Variants in CNIH3 observed in about 807,000 individuals in gnomAD.
The protein encoded by CNIH3 is protein cornichon homolog 3.
CNIH3 carries 14 observed loss-of-function variants against 24.1 expected under a neutral mutation model. The ratio of observed to expected loss-of-function variants is 0.58; its 90% CI spans 0.38 to 0.91. CNIH3 has a LOEUF of 0.91. CNIH3 is among the 40% of genes least tolerant of loss of function. The pLI is 0.00. For synonymous variants in CNIH3, 68 were observed against 73.8 expected (o/e 0.92, Z 0.40); for missense variants, 178 against 196.8 (o/e 0.90, Z 0.57).
At chr1:224,571,582 G>C (rs1462320520) in intron 4 of CNIH3, among the ~76,000 whole-genome samples, 2 of 151,940 alleles carry the variant, frequency 1.3e-5, no homozygotes, top group Non-Finnish European at 2.9e-5. Context: ...AAAATTAACC[G>C]GGCATGGTGC....
downstream of CNIH3, among the ~76,000 whole-genome samples, chr1:224,538,068 A>G (rs1679361679): frequency 6.6e-6 from 1 of 151,744 alleles, no homozygotes; most frequent in Non-Finnish European, 1.5e-5. Flanking sequence ...CTCCTGCCTC[A>G]GCCTCCCGAG....
intron 1 of CNIH3, among the ~76,000 whole-genome samples, chr1:224,617,854 CATT>C (rs1309761963): frequency 6.6e-6 from 1 of 152,144 alleles, no homozygotes; most frequent in East Asian, 1.9e-4. Context: ...GGGCAGGCAT[CATT>C]AAGGCCATGG....
At chr1:224,495,044 G>GCA (rs1486882170) in intron 1 of CNIH3, among the ~76,000 whole-genome samples, 3 of 151,896 alleles carry the variant, frequency 2.0e-5, no homozygotes, top group African/African-American at 4.8e-5. Context: ...ATGCACACAT[G>GCA]CACACACACA....
At chr1:224,679,928 C>A (rs185711233) in intron 1 of CNIH3, among the ~76,000 whole-genome samples, 66 of 152,228 alleles carry the variant, frequency 4.3e-4, no homozygotes, top group Non-Finnish European at 7.6e-4. Flanking sequence ...CCTGCCTCAG[C>A]CTCCTAGATA....
At chr1:224,589,958 C>T (rs113185913), downstream of CNIH3, among the ~76,000 whole-genome samples, 111 of 152,176 alleles carry the variant, frequency 7.3e-4, no homozygotes, top group African/African-American at 2.6e-3. Context: ...CTCACTGCAA[C>T]CTCTGCCTCT....
At chr1:224,632,001 C>T (rs1369835558) in intron 1 of CNIH3, among the ~76,000 whole-genome samples, 1 of 152,114 alleles carries the variant, frequency 6.6e-6, no homozygotes, top group Non-Finnish European at 1.5e-5. Context: ...GAATTAGTAA[C>T]TGCATTCCAG....
chr1:224,663,557 C>T (rs1685461014), intron 1 of CNIH3, among the ~76,000 whole-genome samples: 1 of 152,078 alleles, frequency 6.6e-6, no homozygotes, highest in Non-Finnish European at 1.5e-5. Flanking sequence ...CATACTTGTC[C>T]AGACACAGAT....
At chr1:224,567,843 G>C (rs1196042343) in intron 4 of CNIH3, among the ~76,000 whole-genome samples, 1 of 152,174 alleles carries the variant, frequency 6.6e-6, no homozygotes, top group Non-Finnish European at 1.5e-5. Context: ...TGACCCCACT[G>C]GGATGTTATA....
At chr1:224,599,214 C>T (rs1039804986) in intron 3 of CNIH3, among the ~76,000 whole-genome samples, 30 of 152,300 alleles carry the variant, frequency 2.0e-4, no homozygotes, top group African/African-American at 7.2e-4. Flanking sequence ...GCACTTGTCT[C>T]TGCTCCAGGT....
intron 1 of CNIH3, among the ~76,000 whole-genome samples, chr1:224,625,154 T>C (rs947493228): frequency 6.6e-6 from 1 of 152,212 alleles, no homozygotes; most frequent in African/African-American, 2.4e-5. Context: ...AATAAGGATC[T>C]GGATAATTTA....
intron 1 of CNIH3, among the ~76,000 whole-genome samples, chr1:224,640,593 T>C (rs1368377598): frequency 6.6e-6 from 1 of 152,222 alleles, no homozygotes; most frequent in Non-Finnish European, 1.5e-5. Context: ...CATCACCGCT[T>C]TCTCTTCTAG....
intron 4 of CNIH3, among the ~76,000 whole-genome samples, chr1:224,567,858 C>T (rs966496390): frequency 3.9e-5 from 6 of 152,150 alleles, no homozygotes; most frequent in Admixed American, 6.5e-5. Flanking sequence ...GTTATAAGAT[C>T]GAGAACCCGG....
At chr1:224,519,511 G>A (rs981977882) in intron 1 of CNIH3, among the ~76,000 whole-genome samples, 3 of 151,932 alleles carry the variant, frequency 2.0e-5, no homozygotes, top group African/African-American at 7.3e-5. Context: ...CTGTATGCGT[G>A]TATGTGTATG....
intron 3 of CNIH3, among the ~76,000 whole-genome samples, chr1:224,709,810 A>C (rs929097202): frequency 4.6e-5 from 7 of 152,068 alleles, no homozygotes; most frequent in Admixed American, 2.6e-4. Context: ...CCTGCCATCT[A>C]CTCATTACAG....
intron 1 of CNIH3, among the ~76,000 whole-genome samples, chr1:224,679,698 A>G (rs1390087956): frequency 6.6e-6 from 1 of 152,222 alleles, no homozygotes; most frequent in Non-Finnish European, 1.5e-5. Context: ...TGAAATCAGG[A>G]TGACATATGA....
At chr1:224,449,553 T>TG (rs1346573940) in intron 1 of CNIH3, among the ~76,000 whole-genome samples, 1 of 152,072 alleles carries the variant, frequency 6.6e-6, no homozygotes, top group Non-Finnish European at 1.5e-5. Context: ...TGGAGTGCAG[T>TG]GGGGCAATCA....
In CNIH3 at chr1:224,565,207, A is replaced by G. The variant is rs115486912; in HGVS notation, n.451-992A>G. Among the ~76,000 whole-genome samples the G allele has an allele frequency of 6.8e-3, 1,034 of 152,260 alleles. 17 individuals are homozygous for G. Among genetic ancestry groups the G allele is most frequent in the African/African-American group, 0.023 (972 of 41,560 alleles). Reference sequence around the variant, plus strand: ...TCTGAGTGTGTGTATGTCTCTGTCTAATAGGTTTTTCTTGCAAAAAGTCTT... The same window carrying G: ...TCTGAGTGTGTGTATGTCTCTGTCTGATAGGTTTTTCTTGCAAAAAGTCTT... On this transcript the variant is annotated intron_variant and non_coding_transcript_variant, in intron 3 of 5. Coordinates refer to the CNIH3 transcript ENST00000471578.
intron 2 of CNIH3, among the ~76,000 whole-genome samples, chr1:224,544,519 T>C (rs189125612): frequency 1.2e-3 from 189 of 152,230 alleles, no homozygotes; most frequent in Admixed American, 2.3e-3. Flanking sequence ...AAATAGGGAG[T>C]TCAATTCAGG....
chr1:224,684,646 C>A lies in CNIH3; in HGVS notation c.151-150C>A. 2 of 686,834 alleles carry A rather than the reference C, an allele frequency of 2.9e-6. No homozygotes were observed. Among genetic ancestry groups the A allele is most frequent in the African/African-American group, 1.8e-5 (1 of 56,024 alleles). 42.5% of individuals were successfully genotyped at this position (686,834 alleles called of 1,614,324 possible). Reference sequence around the variant, plus strand: ...AAGTCAGAAACTCTGTTAGAAAAAGCCACTGGGTGGGAGCATGCTGGCCAT... The same window carrying A: ...AAGTCAGAAACTCTGTTAGAAAAAGACACTGGGTGGGAGCATGCTGGCCAT... On this transcript the variant is annotated intron_variant, in intron 2 of 5. Coordinates refer to ENST00000272133, the MANE Select transcript of CNIH3 (RefSeq NM_152495.2). This position sits in a 1 kb window ranked among gnomAD's most constrained non-coding sequence, Gnocchi z 4.2.
Sources: gnomAD v4.1 joint callset for allele counts (sites outside exome capture counted in the v4.1 genomes callset) on GRCh38, gnomAD v4.1.1 for gene constraint, Gnocchi (gnomAD v3.1) non-coding constraint, MANE v1.5 for transcripts, NCBI Gene and HGNC (gene_info 2026-07-23, HGNC 2026-07-21) for gene names.